Variants in UBE2G1 observed in about 807,000 individuals in gnomAD.
The protein encoded by UBE2G1 is ubiquitin-conjugating enzyme E2 G1.
UBE2G1 carries 5 observed loss-of-function variants against 22.7 expected under a neutral mutation model. That is an observed-to-expected ratio of 0.22 (90% CI 0.12 to 0.46). The LOEUF (loss-of-function observed/expected upper bound fraction) is 0.46, where lower values mean the gene tolerates loss of function less well. Ranked by LOEUF, UBE2G1 falls within the 20% of genes least tolerant of loss-of-function variation. UBE2G1 has a pLI of 0.99. For synonymous variants in UBE2G1, 74 were observed against 67.5 expected (o/e 1.10, Z -0.47); for missense variants, 88 against 203.9 (o/e 0.43, Z 3.46).
intron 2 of UBE2G1, chr17:4,301,361 TGA>T: frequency 1.9e-6 from 1 of 514,590 alleles, no homozygotes; most frequent in Non-Finnish European, 3.6e-6. Context: ...AGGAGAAGGA[TGA>T]GAAAGCATGG....
chr17:4,301,455 A>G (rs965089184), intron 2 of UBE2G1: 27 of 733,750 alleles, frequency 3.7e-5, no homozygotes, highest in African/African-American at 7.0e-5. Context: ...TGGCTTCAGC[A>G]GCTATTTTTG....
At chr17:4,345,913 A>C (rs1969764618) in intron 1 of UBE2G1, 1 of 152,214 alleles carries the variant, frequency 6.6e-6, no homozygotes, top group Non-Finnish European at 1.5e-5. Flanking sequence ...GTTCTATTCA[A>C]AATCATAAAA....
chr17:4,289,440 TA>T, intron 3 of UBE2G1, 32 bp from the exon 4 acceptor site: 1 of 1,472,814 alleles, frequency 6.8e-7, no homozygotes, highest in East Asian at 2.5e-5. Context: ...TTGTTTCATA[TA>T]TTACTAATTT....
chr17:4,299,169 A>G (rs775198353), intron 2 of UBE2G1, among the ~76,000 whole-genome samples: 1 of 152,216 alleles, frequency 6.6e-6, no homozygotes, highest in Non-Finnish European at 1.5e-5. Context: ...TTTATTCACT[A>G]ATCTATATAT....
intron 1 of UBE2G1, among the ~76,000 whole-genome samples, chr17:4,362,101 T>C (rs1008328057): frequency 1.3e-5 from 2 of 152,178 alleles, no homozygotes; most frequent in Non-Finnish European, 2.9e-5. Context: ...TTTCAAAAGA[T>C]AAAATGTTTT....
At chr17:4,296,570 G>T in intron 3 of UBE2G1, 147 bp downstream of exon 3, 1 of 810,868 alleles carries the variant, frequency 1.2e-6, no homozygotes, top group Non-Finnish European at 2.1e-6. Flanking sequence ...CCTTTTAAAG[G>T]TTTTAGTACA....
intron 1 of UBE2G1, among the ~76,000 whole-genome samples, chr17:4,309,153 A>G (rs193005939): frequency 6.6e-6 from 1 of 152,206 alleles, no homozygotes; most frequent in African/African-American, 2.4e-5. Flanking sequence ...CCAGCTACTC[A>G]GAAGGCTGAG....
At chr17:4,364,760 T>C (rs1180966213) in intron 1 of UBE2G1, among the ~76,000 whole-genome samples, 6 of 151,954 alleles carry the variant, frequency 3.9e-5, no homozygotes, top group South Asian at 4.1e-4. Context: ...TTTGTATTTT[T>C]AGTAGTGACG....
chr17:4,294,449 C>A (rs2325983), intron 3 of UBE2G1, among the ~76,000 whole-genome samples: 766 of 69,172 alleles, frequency 0.011, 7 homozygotes, highest in African/African-American at 0.041. Flanking sequence ...AAGAAAGAAA[C>A]GAAAAGAAAA....
chr17:4,365,569 C>T (rs1025335699), intron 1 of UBE2G1, among the ~76,000 whole-genome samples: 1 of 152,068 alleles, frequency 6.6e-6, no homozygotes, highest in Non-Finnish European at 1.5e-5. Context: ...AGCACAAAGC[C>T]CGGAGCCGGC....
intron 3 of UBE2G1, among the ~76,000 whole-genome samples, chr17:4,294,727 C>T (rs991685648): frequency 6.6e-6 from 1 of 151,950 alleles, no homozygotes; most frequent in African/African-American, 2.4e-5. Flanking sequence ...GCCTGGCCAA[C>T]AACATGGTGA....
intron 1 of UBE2G1, among the ~76,000 whole-genome samples, chr17:4,341,341 A>C (rs979123893): frequency 1.1e-4 from 17 of 152,096 alleles, no homozygotes; most frequent in African/African-American, 3.1e-4. Context: ...TCTAACCTGA[A>C]TCTCTGCCGA....
Position 4,366,300 on chromosome 17 carries a change from G to A in UBE2G1, c.17C>T (p.Ser6Leu). MTELQ[S>L]ALLLRRQLAE... ...CAGCTGTCTTCGCAGTAGCAGTGCC[G>A]ACTGCAGCTCCGTCATCCTCCCTGC... is the stretch of plus-strand genomic sequence containing the variant. The change falls in exon 1 of 6, where the codon TCG becomes TTG. Residue 6 changes from serine (S) to leucine (L), a missense_variant. Ser to Leu is a moderately radical substitution (Grantham distance 145). This residue lies in a region of UBE2G1 where 50 missense variants were observed against 71.0 expected (regional missense o/e 0.70). Transcript: ENST00000396981. The A allele has an allele frequency of 6.4e-7, 1 of 1,554,856 alleles. No homozygotes were observed. Among genetic ancestry groups the A allele is most frequent in the East Asian group, 2.6e-5 (1 of 38,724 alleles).
intron 3 of UBE2G1, among the ~76,000 whole-genome samples, chr17:4,296,355 C>T (rs1228605566): frequency 6.6e-6 from 1 of 152,240 alleles, no homozygotes; most frequent in East Asian, 1.9e-4. Flanking sequence ...CTGCACCTCC[C>T]GGGTTCAAGC....
At chr17:4,276,040 T>C (rs537198919) in intron 5 of UBE2G1, among the ~76,000 whole-genome samples, 1 of 152,292 alleles carries the variant, frequency 6.6e-6, no homozygotes, top group South Asian at 2.1e-4. Context: ...AGTCTCCAAG[T>C]TGTCCTTGCC....
intron 1 of UBE2G1, 114 bp downstream of exon 1, chr17:4,366,157 G>T: frequency 8.8e-7 from 1 of 1,139,474 alleles, no homozygotes; most frequent in Non-Finnish European, 1.2e-6. Flanking sequence ...CCCCACCCTC[G>T]CAGGCCCGGG....
intron 1 of UBE2G1, among the ~76,000 whole-genome samples, chr17:4,344,540 G>A (rs1450194143): frequency 6.7e-6 from 1 of 149,984 alleles, no homozygotes. Context: ...AACGCCATAT[G>A]AAGAAAGCTC....
At chr17:4,320,332 T>C (rs1202829878) in intron 1 of UBE2G1, among the ~76,000 whole-genome samples, 1 of 152,234 alleles carries the variant, frequency 6.6e-6, no homozygotes, top group African/African-American at 2.4e-5. Context: ...GAGGTTTTTA[T>C]AGATTTTCTT....
At chr17:4,294,729 A>G (rs1598183741) in intron 3 of UBE2G1, among the ~76,000 whole-genome samples, 1 of 152,142 alleles carries the variant, frequency 6.6e-6, no homozygotes, top group East Asian at 1.9e-4. Flanking sequence ...CTGGCCAACA[A>G]CATGGTGAAA....
Sources: gnomAD v4.1 joint callset for allele counts (sites outside exome capture counted in the v4.1 genomes callset) on GRCh38, gnomAD v4.1.1 for gene constraint, gnomAD v4.1.1 regional missense constraint, MANE v1.5 for transcripts, NCBI Gene and HGNC (gene_info 2026-07-23, HGNC 2026-07-21) for gene names.